The following STAT3 variants were observed in gnomAD, a reference collection of about 807,000 sequenced individuals.
STAT3 encodes the protein signal transducer and activator of transcription 3.
STAT3 carries 7 observed loss-of-function variants against 114.3 expected under a neutral mutation model. The ratio of observed to expected loss-of-function variants is 0.06; its 90% CI spans 0.03 to 0.11. The LOEUF is 0.11. Among genes scored for constraint, STAT3 ranks in the 10% least tolerant of loss-of-function variants. The pLI, the probability that STAT3 is intolerant of heterozygous loss-of-function variation, is 1.00. For synonymous variants in STAT3, 331 were observed against 354.5 expected (o/e 0.93, Z 0.74); for missense variants, 364 against 960.9 (o/e 0.38, Z 8.21).
Position 42,316,830 on chromosome 17 carries a change from T to C in STAT3, c.2216A>G (p.Asn739Ser), listed in dbSNP as rs886052941. ...RTLDSLMQFG[N>S]NGEGAEPSAG... Reference sequence around the variant, plus strand: ...TGAGGGTTCAGCACCTTCACCATTATTTCCAAACTGCATCAATGAATCTAA... The same window carrying C: ...TGAGGGTTCAGCACCTTCACCATTACTTCCAAACTGCATCAATGAATCTAA... The change falls in exon 23 of 24, where the codon AAT (asparagine) becomes AGT (serine). Residue 739 changes from asparagine to serine, a missense_variant. This residue lies in a region of STAT3 where 37 missense variants were observed against 66.5 expected (regional missense o/e 0.56). Transcript: ENST00000264657. 6.2e-7 allele frequency: 1 copy of C among 1,613,834 alleles called. No homozygotes were observed. Among genetic ancestry groups the C allele is most frequent in the Non-Finnish European group, 8.5e-7 (1 of 1,179,960 alleles).
chr17:42,364,833 A>G (rs1010527341), intron 1 of STAT3, among the ~76,000 whole-genome samples: 3 of 152,222 alleles, frequency 2.0e-5, no homozygotes, highest in Non-Finnish European at 4.4e-5. Context: ...ATATGGCTCA[A>G]TGCTTACCTC....
chr17:42,334,112 G>A (rs2082133221), intron 8 of STAT3, 63 bp from the exon 9 acceptor site: 2 of 1,597,486 alleles, frequency 1.3e-6, no homozygotes, highest in East Asian at 2.2e-5. Context: ...AGATGGAGAA[G>A]GGGAAGGAAA....
rs140459767 is a variant in STAT3, at chr17:42,368,680, G to A, written c.-24+19599C>T. Among the ~76,000 whole-genome samples the A allele has an allele frequency of 6.6e-3, 992 of 149,778 alleles. 14 individuals are homozygous for A. The highest frequency in any genetic ancestry group is 0.023 in the African/African-American group (939 of 40,838). ...TCTCCACGTTAGCCAAGCTGGTCTC[G>A]AATTCCTGGCCTCAAGTGCTCTGCC... On this transcript the variant is annotated intron_variant, in intron 1 of 23. Transcript: ENST00000264657.
At chr17:42,362,940 C>T (rs897718964) in intron 1 of STAT3, among the ~76,000 whole-genome samples, 2 of 152,288 alleles carry the variant, frequency 1.3e-5, no homozygotes, top group Non-Finnish European at 2.9e-5. Context: ...ATCACCATCA[C>T]CATGACTTGC....
chr17:42,380,096 G>A (rs926806333), intron 1 of STAT3, among the ~76,000 whole-genome samples: 4 of 151,456 alleles, frequency 2.6e-5, no homozygotes, highest in South Asian at 2.1e-4. Flanking sequence ...GTGCAGCGGC[G>A]CGATCTCAGC....
At chr17:42,330,985 G>A (rs1010476135) in intron 11 of STAT3, among the ~76,000 whole-genome samples, 2 of 152,116 alleles carry the variant, frequency 1.3e-5, no homozygotes, top group Non-Finnish European at 2.9e-5. Context: ...TGTTACAATT[G>A]CCTACGGTAT....
At chr17:42,341,325 C>T (rs1459048972) in intron 4 of STAT3, among the ~76,000 whole-genome samples, 1 of 152,236 alleles carries the variant, frequency 6.6e-6, no homozygotes, top group Non-Finnish European at 1.5e-5. Flanking sequence ...GCCTTGGTCA[C>T]CCCAGACTCC....
In STAT3 at chr17:42,326,242, T is replaced by C. The variant is rs766038036; in HGVS notation, c.1282-43A>G. The stretch of plus-strand genomic sequence containing the variant: ...ACACTCTTAGGCCAGGTGTGGTGGC[T>C]CATGCCTGTAATCCCAGCACTTTGG... On this transcript the variant is annotated intron_variant, in intron 14 of 23. Coordinates refer to ENST00000264657, the MANE Select transcript of STAT3 (RefSeq NM_139276.3). 83 of 1,576,334 alleles carry C rather than the reference T, an allele frequency of 5.3e-5. No individual in the cohort carries two copies. The Admixed American group carries it at 5.5e-4, about 10-fold the overall frequency.
chr17:42,319,266 G>T lies in STAT3; in HGVS notation c.2102-2042C>A, dbSNP rs1482912401. Among the ~76,000 whole-genome samples the T allele has an allele frequency of 2.6e-5, 4 of 151,832 alleles. No homozygotes were observed. The South Asian group carries it at 6.2e-4, about 24-fold the overall frequency. On this transcript the variant is annotated intron_variant, in intron 21 of 23. Coordinates refer to ENST00000264657, the MANE Select transcript of STAT3 (RefSeq NM_139276.3). The stretch of plus-strand genomic sequence containing the variant: ...AAAACAAAAACAAAAACAAGGCTGG[G>T]CACTGTGGCTCACACCTATAATCCC...
At chr17:42,343,218 A>G (rs1476617422) in intron 4 of STAT3, among the ~76,000 whole-genome samples, 1 of 151,604 alleles carries the variant, frequency 6.6e-6, no homozygotes, top group East Asian at 1.9e-4. Flanking sequence ...TTGAAATGTA[A>G]TGTTATGTGT....
At chr17:42,344,094 G>A (rs763169708) in intron 4 of STAT3, among the ~76,000 whole-genome samples, 11 of 151,858 alleles carry the variant, frequency 7.2e-5, no homozygotes, top group Non-Finnish European at 1.3e-4. Context: ...TGCTCCCTTT[G>A]GTTTCTGATA....
intron 21 of STAT3, 26 bp from the exon 22 acceptor site, chr17:42,317,250 TACTG>T (rs1160254039): frequency 1.9e-6 from 3 of 1,612,620 alleles, no homozygotes; most frequent in Non-Finnish European, 2.5e-6. Flanking sequence ...CCAGTTTTCT[TACTG>T]ACTGTGACTT....
intron 1 of STAT3, among the ~76,000 whole-genome samples, chr17:42,349,251 A>C (rs940315915): frequency 6.6e-6 from 1 of 152,252 alleles, no homozygotes; most frequent in African/African-American, 2.4e-5. Flanking sequence ...AAATTAAAAA[A>C]TTACTTAACT....
At chr17:42,365,779 C>T (rs759497378) in intron 1 of STAT3, among the ~76,000 whole-genome samples, 47 of 151,658 alleles carry the variant, frequency 3.1e-4, no homozygotes, top group Non-Finnish European at 5.4e-4. Flanking sequence ...CCTCAACCTC[C>T]CAAGTAGCTG....
Position 42,333,406 on chromosome 17 carries a change from G to A in STAT3, c.1049+267C>T, listed in dbSNP as rs17878464. 1.2e-3 allele frequency among the ~76,000 whole-genome samples: 184 copies of A among 152,154 alleles called. No homozygotes were observed. The highest frequency in any genetic ancestry group is 4.3e-3 in the African/African-American group (177 of 41,502). ...AATAGATGACATTATTTTGTCCCTT[G>A]GGCAGAAGGAGAAGCTGTGGCCTGA... On this transcript the variant is annotated intron_variant, in intron 10 of 23. Transcript: ENST00000264657. This position sits in a 1 kb window ranked among gnomAD's most constrained non-coding sequence, Gnocchi z 5.2.
chr17:42,365,404 C>G (rs1404146780), intron 1 of STAT3, among the ~76,000 whole-genome samples: 1 of 152,056 alleles, frequency 6.6e-6, no homozygotes, highest in Non-Finnish European at 1.5e-5. Flanking sequence ...CCTCAGACAT[C>G]GCAGAGCAAA....
At position 42,315,062 on chromosome 17, in the gene STAT3, G is replaced by C. The variant is rs970029187; in HGVS notation, c.*683C>G. On this transcript the variant is annotated 3_prime_UTR_variant, in exon 24 of 24. Coordinates refer to ENST00000264657, the MANE Select transcript of STAT3 (RefSeq NM_139276.3). The stretch of plus-strand genomic sequence containing the variant: ...CTTTTAGTAGAGACGGGGTTTCACC[G>C]TGTTAGCCAGGATGGTCTTGATCTC... 1 of 181,434 alleles carries C rather than the reference G, an allele frequency of 5.5e-6. No homozygotes were observed. The highest frequency in any genetic ancestry group is 2.4e-5 in the African/African-American group (1 of 42,338). 11.2% of individuals were successfully genotyped at this position (181,434 alleles called of 1,614,324 possible).
chr17:42,347,190 A>AC (rs2082738196), intron 2 of STAT3, among the ~76,000 whole-genome samples: 1 of 150,734 alleles, frequency 6.6e-6, no homozygotes, highest in Admixed American at 6.6e-5. Flanking sequence ...ATCTCAAAAA[A>AC]AAAAAAAAAA....
At chr17:42,351,046 G>A (rs1163363621) in intron 1 of STAT3, among the ~76,000 whole-genome samples, 1 of 149,896 alleles carries the variant, frequency 6.7e-6, no homozygotes, top group African/African-American at 2.5e-5. Flanking sequence ...CAGAAGAATC[G>A]CTTGAACCCA....
Sources: allele counts gnomAD v4.1 joint callset (sites outside exome capture counted in the v4.1 genomes callset), GRCh38; gene constraint gnomAD v4.1.1; regional missense constraint gnomAD v4.1.1; non-coding constraint Gnocchi (gnomAD v3.1); transcripts MANE v1.5; gene names NCBI Gene and HGNC (gene_info 2026-07-23, HGNC 2026-07-21).